The following CHCHD6 variants were observed in gnomAD, a reference collection of about 807,000 sequenced individuals.
CHCHD6 encodes coiled-coil-helix-coiled-coil-helix domain containing 6, also known as MICOS complex subunit MIC25.
CHCHD6 carries 28 observed loss-of-function variants against 32.3 expected under a neutral mutation model. The observed-to-expected ratio is 0.87, with a 90% CI of 0.64 to 1.19. The LOEUF is 1.19. Ranked by LOEUF, CHCHD6 falls within the 50% of genes most tolerant of loss-of-function variation. The pLI, the probability that CHCHD6 is intolerant of heterozygous loss-of-function variation, is 0.00. For missense variants in CHCHD6, 333 were observed against 307.0 expected (o/e 1.08, Z -0.63); for synonymous variants, 122 against 117.5 (o/e 1.04, Z -0.25).
intron 4 of CHCHD6, among the ~76,000 whole-genome samples, chr3:126,818,752 C>T (rs1223328043): frequency 6.6e-6 from 1 of 152,208 alleles, no homozygotes; most frequent in African/African-American, 2.4e-5. Context: ...AGTCCTGGCC[C>T]TTTGCATCTC....
chr3:126,900,955 C>T (rs1336307891), intron 5 of CHCHD6, among the ~76,000 whole-genome samples: 1 of 152,100 alleles, frequency 6.6e-6, no homozygotes, highest in Non-Finnish European at 1.5e-5. Context: ...CACTCATCAC[C>T]AAGGGGATGG....
At chr3:126,732,390 C>A (rs2107659211) in intron 3 of CHCHD6, among the ~76,000 whole-genome samples, 1 of 152,270 alleles carries the variant, frequency 6.6e-6, no homozygotes, top group Admixed American at 6.5e-5. Flanking sequence ...TTAGTTGCAC[C>A]TGCTTTATAA....
chr3:126,796,447 A>T, intron 4 of CHCHD6, among the ~76,000 whole-genome samples: 1 of 151,756 alleles, frequency 6.6e-6, no homozygotes, highest in East Asian at 1.9e-4. Flanking sequence ...TCACTCTCTC[A>T]CTCCTTTAGA....
intron 1 of CHCHD6, among the ~76,000 whole-genome samples, chr3:126,715,595 A>C (rs900898564): frequency 3.9e-5 from 6 of 152,034 alleles, no homozygotes; most frequent in African/African-American, 1.5e-4. Flanking sequence ...TTCCTGTGCA[A>C]CCTGTTTGCC....
chr3:126,943,236 T>G lies in CHCHD6; in HGVS notation c.567-14180T>G, dbSNP rs532661879. ...CTACCACCCCACTCCCTGTGACTTC[T>G]GCTGGGAGGGAAAAGGACAATTGAA... On this transcript the variant is annotated intron_variant, in intron 6 of 7. Transcript: ENST00000290913. Among the ~76,000 whole-genome samples the G allele has an allele frequency of 3.3e-5, 5 of 152,290 alleles. 1 individual carries two copies. In the South Asian group the frequency reaches 8.3e-4, roughly 25 times the overall value.
At chr3:126,730,965 G>A (rs897172106) in intron 3 of CHCHD6, among the ~76,000 whole-genome samples, 1 of 151,758 alleles carries the variant, frequency 6.6e-6, no homozygotes, top group Admixed American at 6.6e-5. Flanking sequence ...AATTAGCTGG[G>A]GGTGGTGGTG....
intron 4 of CHCHD6, among the ~76,000 whole-genome samples, chr3:126,834,853 A>G (rs1471609227): frequency 2.0e-5 from 3 of 152,196 alleles, no homozygotes; most frequent in Non-Finnish European, 4.4e-5. Flanking sequence ...GACAGTCGGC[A>G]ACAGCAGAGC....
intron 4 of CHCHD6, among the ~76,000 whole-genome samples, chr3:126,814,097 T>C (rs1559860104): frequency 6.6e-6 from 1 of 152,308 alleles, no homozygotes; most frequent in East Asian, 1.9e-4. Context: ...TATTTCTGGA[T>C]TGAAGTACAT....
intron 7 of CHCHD6, among the ~76,000 whole-genome samples, chr3:126,959,341 G>A (rs548900500): frequency 1.6e-4 from 24 of 152,356 alleles, no homozygotes; most frequent in African/African-American, 5.8e-4. Context: ...TGCCTTGGCA[G>A]TGTGTGTGCA....
intron 4 of CHCHD6, among the ~76,000 whole-genome samples, chr3:126,821,460 A>T (rs947847434): frequency 6.6e-6 from 1 of 151,960 alleles, no homozygotes; most frequent in Non-Finnish European, 1.5e-5. Context: ...ACCCCTGGCT[A>T]ATTTTTTGTA....
At chr3:126,733,483 G>A (rs1238556322) in intron 4 of CHCHD6, among the ~76,000 whole-genome samples, 1 of 152,208 alleles carries the variant, frequency 6.6e-6, no homozygotes, top group Admixed American at 6.5e-5. Flanking sequence ...CACAGTAAGG[G>A]ACCAGACCAC....
At chr3:126,815,487 A>G (rs1206637933) in intron 4 of CHCHD6, among the ~76,000 whole-genome samples, 2 of 152,130 alleles carry the variant, frequency 1.3e-5, no homozygotes, top group African/African-American at 4.8e-5. Flanking sequence ...TAAGCTGGAA[A>G]CCTGGTTATC....
chr3:126,937,241 C>A (rs1239866637), intron 6 of CHCHD6, among the ~76,000 whole-genome samples: 4 of 152,246 alleles, frequency 2.6e-5, no homozygotes, highest in Non-Finnish European at 5.9e-5. Context: ...CGCCATACGG[C>A]CATTCATTTT....
intron 4 of CHCHD6, among the ~76,000 whole-genome samples, chr3:126,734,566 T>C (rs1935956480): frequency 6.6e-6 from 1 of 152,192 alleles, no homozygotes; most frequent in African/African-American, 2.4e-5. Context: ...CCAGGCCCTC[T>C]GGGAAATACA....
chr3:126,946,084 C>T (rs1286161750), intron 6 of CHCHD6, among the ~76,000 whole-genome samples: 3 of 152,054 alleles, frequency 2.0e-5, no homozygotes, highest in African/African-American at 7.2e-5. Flanking sequence ...GTTGGGGCAG[C>T]CCAAGGACTC....
chr3:126,864,731 C>T (rs1942182917), intron 5 of CHCHD6, among the ~76,000 whole-genome samples: 1 of 146,032 alleles, frequency 6.8e-6, no homozygotes, highest in Admixed American at 6.8e-5. Context: ...ATCATCTCCT[C>T]TTCCTCCTCC....
intron 7 of CHCHD6, chr3:126,958,020 C>A: frequency 4.1e-6 from 1 of 241,070 alleles, no homozygotes; most frequent in South Asian, 6.0e-5. Flanking sequence ...CTGAGCTGGT[C>A]TACAGGGGTG....
chr3:126,908,029 C>T lies in CHCHD6; in HGVS notation c.496-6651C>T, dbSNP rs547383191. Reference sequence around the variant, plus strand: ...TCAGTTTCTTCATCTGTCAAAGGGGCGGTAATTCTTACCTTGAAATACTGC... The same window carrying T: ...TCAGTTTCTTCATCTGTCAAAGGGGTGGTAATTCTTACCTTGAAATACTGC... On this transcript the variant is annotated intron_variant, in intron 5 of 7. Coordinates refer to ENST00000290913, the MANE Select transcript of CHCHD6 (RefSeq NM_032343.3). 2.6e-5 allele frequency among the ~76,000 whole-genome samples: 4 copies of T among 152,222 alleles called. 1 individual carries two copies. The South Asian group carries it at 6.2e-4, about 24-fold the overall frequency.
At chr3:126,941,319 T>C (rs887411705) in intron 6 of CHCHD6, among the ~76,000 whole-genome samples, 1 of 152,240 alleles carries the variant, frequency 6.6e-6, no homozygotes, top group African/African-American at 2.4e-5. Context: ...CTAAATTCCT[T>C]CTTACACACT....
Sources: gnomAD v4.1 joint callset for allele counts (sites outside exome capture counted in the v4.1 genomes callset) on GRCh38, gnomAD v4.1.1 for gene constraint, MANE v1.5 for transcripts, NCBI Gene and HGNC (gene_info 2026-07-23, HGNC 2026-07-21) for gene names.